EARS2: variants seen among roughly 807,000 people sequenced by gnomAD.
EARS2 encodes the protein nondiscriminating glutamyl-tRNA synthetase EARS2, mitochondrial.
In EARS2, 50 loss-of-function variants were observed where a neutral mutation model predicts 54.1. The observed-to-expected ratio is 0.92, with a 90% CI of 0.74 to 1.17. The LOEUF is 1.17. Among genes scored for constraint, EARS2 ranks in the 50% most tolerant of loss-of-function variants. The pLI is 0.00. For missense variants in EARS2, 673 were observed against 675.0 expected, an observed-to-expected ratio of 1.00 and a Z score of 0.03; for synonymous variants, 298 against 281.0, an observed-to-expected ratio of 1.06 and a Z score of -0.61.
chr16:23,536,682 CTT>C (rs953231916), intron 3 of EARS2, among the ~76,000 whole-genome samples: 49 of 113,494 alleles, frequency 4.3e-4, no homozygotes, highest in African/African-American at 8.9e-4. Flanking sequence ...CTTTTTTTTT[CTT>C]TTTTTTTTTT....
chr16:23,535,149 C>T lies in EARS2; in HGVS notation c.697G>A (p.Val233Met), dbSNP rs754845368. 22 of 1,613,412 alleles carry T rather than the reference C, an allele frequency of 1.4e-5. No individual in the cohort carries two copies. Among genetic ancestry groups the T allele is most frequent in the Non-Finnish European group, 1.7e-5 (20 of 1,179,912 alleles). The change falls in exon 4 of 9, where the codon GTG (valine) becomes ATG (methionine). Residue 233 changes from valine (V) to methionine (M), a missense_variant. By Grantham distance (21) the Val-to-Met change is conservative. This residue lies in a region of EARS2 where 338 missense variants were observed against 361.2 expected (regional missense o/e 0.94). Coordinates refer to ENST00000449606, the MANE Select transcript of EARS2 (RefSeq NM_001083614.2). The part of the protein sequence containing the change: ...DGFPTYHLAC[V>M]VDDHHMGISH... ...ATGCCCATGTGGTGGTCGTCCACCA[C>T]GCAGGCCAGGTGGTATGTGGGGAAG...
chr16:23,555,385 G>A lies in EARS2; in HGVS notation c.139+1820C>T, dbSNP rs544023675. Among the ~76,000 whole-genome samples the A allele has an allele frequency of 2.0e-5, 3 of 152,318 alleles. No homozygotes were observed. The South Asian group carries it at 6.2e-4, about 32-fold the overall frequency. On this transcript the variant is annotated intron_variant, in intron 1 of 8. Transcript: ENST00000449606. ...CACTTGTAGTCCCAGCTACTCGGGA[G>A]GTTGAGGTGGGAGGATCACTTGAGC...
chr16:23,550,949 C>T (rs1965685420), intron 2 of EARS2: 1 of 152,192 alleles, frequency 6.6e-6, no homozygotes, highest in African/African-American at 2.4e-5. Flanking sequence ...AGGAAACACA[C>T]TCCTCTTTGT....
At chr16:23,530,019 C>G in intron 5 of EARS2, 122 bp from the exon 6 acceptor site, 1 of 1,204,710 alleles carries the variant, frequency 8.3e-7, no homozygotes, top group Non-Finnish European at 1.1e-6. Context: ...CCCTCCCTTT[C>G]GCAAGCTAGA....
intron 3 of EARS2, among the ~76,000 whole-genome samples, chr16:23,543,265 T>C (rs551301706): frequency 6.8e-6 from 1 of 146,256 alleles, no homozygotes; most frequent in African/African-American, 2.5e-5. Context: ...ATGAAAAGTT[T>C]AAAAAAAAAA....
intron 2 of EARS2, among the ~76,000 whole-genome samples, chr16:23,548,670 C>A (rs1255235999): frequency 1.3e-5 from 2 of 152,052 alleles, no homozygotes. Flanking sequence ...CAGACAAATT[C>A]CTAGGCAGTC....
intron 3 of EARS2, among the ~76,000 whole-genome samples, chr16:23,544,019 T>C (rs9302413): frequency 0.097 from 14,763 of 152,162 alleles, 1,148 homozygotes; most frequent in African/African-American, 0.21. Context: ...GCAAAAAATC[T>C]GAAATCCAAA....
intron 3 of EARS2, among the ~76,000 whole-genome samples, chr16:23,539,827 G>A (rs1965483806): frequency 6.6e-6 from 1 of 151,628 alleles, no homozygotes; most frequent in Non-Finnish European, 1.5e-5. Flanking sequence ...CAAAATAGGG[G>A]AATTCCATCT....
chr16:23,529,268 G>C (rs1266657207), intron 7 of EARS2, among the ~76,000 whole-genome samples: 2 of 152,240 alleles, frequency 1.3e-5, no homozygotes, highest in Admixed American at 6.5e-5. Context: ...GTACACGGCA[G>C]AGCTGGGATG....
intron 2 of EARS2, among the ~76,000 whole-genome samples, chr16:23,551,392 G>A (rs1229318727): frequency 6.6e-6 from 1 of 152,158 alleles, no homozygotes; most frequent in Non-Finnish European, 1.5e-5. Flanking sequence ...GTAGCAGGAG[G>A]ATTGCTTGAG....
At chr16:23,542,243 C>T (rs1429389871) in intron 3 of EARS2, among the ~76,000 whole-genome samples, 1 of 151,946 alleles carries the variant, frequency 6.6e-6, no homozygotes, top group Non-Finnish European at 1.5e-5. Context: ...ATCTGCCCAC[C>T]TCCGCCCTCC....
In EARS2 at chr16:23,540,977, C is replaced by A. The variant is rs529555603; in HGVS notation, c.485+3537G>T. ...CTGCACACCAGCCTGGGCAACAGAG[C>A]AAGACTCCGTCTCCAAAAAATAAAT... On this transcript the variant is annotated intron_variant, in intron 3 of 8. Transcript: ENST00000449606. 1.2e-4 allele frequency among the ~76,000 whole-genome samples: 18 copies of A among 151,836 alleles called. No individual in the cohort carries two copies. In the East Asian group the frequency reaches 3.3e-3, roughly 28 times the overall value.
At chr16:23,542,819 G>C (rs1965537892) in intron 3 of EARS2, among the ~76,000 whole-genome samples, 1 of 151,580 alleles carries the variant, frequency 6.6e-6, no homozygotes, top group South Asian at 2.1e-4. Context: ...TGCCTAATCT[G>C]AAATGCTCCA....
At position 23,540,076 on chromosome 16, in the gene EARS2, C is replaced by T. The variant is rs1478111457; in HGVS notation, c.485+4438G>A. On this transcript the variant is annotated intron_variant, in intron 3 of 8. Transcript: ENST00000449606. Reference sequence around the variant, plus strand: ...GGCTGAGATGAGAGGACTGCTTGAGCCCAGGAGGCAGAAGTTGCCTTGAGC... The same window carrying T: ...GGCTGAGATGAGAGGACTGCTTGAGTCCAGGAGGCAGAAGTTGCCTTGAGC... Among the ~76,000 whole-genome samples the T allele has an allele frequency of 5.3e-5, 8 of 152,110 alleles. No individual in the cohort carries two copies. The South Asian group carries it at 1.5e-3, about 28-fold the overall frequency.
At chr16:23,534,010 C>A (rs185192459) in intron 4 of EARS2, among the ~76,000 whole-genome samples, 1 of 151,056 alleles carries the variant, frequency 6.6e-6, no homozygotes, top group East Asian at 2.0e-4. Context: ...GAGCCGAGAT[C>A]GCGCCATTGC....
At chr16:23,529,228 C>G (rs996206594) in intron 7 of EARS2, among the ~76,000 whole-genome samples, 1 of 152,116 alleles carries the variant, frequency 6.6e-6, no homozygotes, top group African/African-American at 2.4e-5. Flanking sequence ...CAAAGTGAAG[C>G]CGCCTGAGCA....
chr16:23,529,515 T>A lies in EARS2; in HGVS notation c.1339A>T (p.Lys447Ter). The A allele has an allele frequency of 6.2e-7, 1 of 1,613,976 alleles. No individual in the cohort carries two copies. Among genetic ancestry groups the A allele is most frequent in the Non-Finnish European group, 8.5e-7 (1 of 1,179,944 alleles). The change falls in exon 7 of 9, where the codon AAG (lysine) becomes TAG (stop). Residue 447 changes from lysine (K) to a stop codon, truncating the protein, a stop_gained. Coordinates refer to ENST00000449606, the MANE Select transcript of EARS2 (RefSeq NM_001083614.2). LOFTEE classifies it high-confidence loss of function. The stretch of plus-strand genomic sequence containing the variant: ...GCGGGTACTCACCCCAGCACACGCT[T>A]GGCAATCACATCCACCTTCTCCGAG... ...AISEKVDVIAKRVLGLLERSS... is the reference protein window; with the variant it reads ...AISEKVDVIA
intron 1 of EARS2, among the ~76,000 whole-genome samples, chr16:23,555,980 A>T (rs1567393151): frequency 6.6e-6 from 1 of 152,260 alleles, no homozygotes; most frequent in South Asian, 2.1e-4. Flanking sequence ...TGTTTTCAAA[A>T]TTTTATTTTT....
intron 1 of EARS2, 24 bp from the exon 2 acceptor site, chr16:23,552,328 A>G: frequency 6.2e-7 from 1 of 1,610,450 alleles, no homozygotes; most frequent in African/African-American, 1.3e-5. Context: ...CAGCTCAGAT[A>G]AGACAGGGAA....
Sources: allele counts gnomAD v4.1 joint callset (sites outside exome capture counted in the v4.1 genomes callset), GRCh38; gene constraint gnomAD v4.1.1; regional missense constraint gnomAD v4.1.1; transcripts MANE v1.5; gene names NCBI Gene and HGNC (gene_info 2026-07-23, HGNC 2026-07-21).